The following WDR25 variants were observed in gnomAD, a reference collection of about 807,000 sequenced individuals.
The protein encoded by WDR25 is WD repeat-containing protein 25.
In WDR25, 35 loss-of-function variants were observed where a neutral mutation model predicts 47.7. The observed-to-expected ratio is 0.73, with a 90% CI of 0.56 to 0.97. The LOEUF is 0.97. Among genes scored for constraint, WDR25 ranks in the 50% least tolerant of loss-of-function variants. The pLI, the probability that WDR25 is intolerant of heterozygous loss-of-function variation, is 0.00. For missense variants in WDR25, 634 were observed against 704.7 expected (o/e 0.90, Z 1.14); for synonymous variants, 248 against 278.9 (o/e 0.89, Z 1.10).
chr14:100,514,926 C>T (rs773040226), intron 4 of WDR25, among the ~76,000 whole-genome samples: 16 of 151,704 alleles, frequency 1.1e-4, no homozygotes, highest in Non-Finnish European at 1.9e-4. Context: ...TTTATTTGCC[C>T]AAAAAAATCT....
At chr14:100,418,896 C>G (rs1415803951) in intron 2 of WDR25, among the ~76,000 whole-genome samples, 1 of 151,968 alleles carries the variant, frequency 6.6e-6, no homozygotes, top group East Asian at 1.9e-4. Context: ...CACCTGAGAC[C>G]CTGGCCTTGA....
Position 100,500,375 on chromosome 14 carries a change from G to A in WDR25, c.1101+16251G>A, listed in dbSNP as rs144034021. On this transcript the variant is annotated intron_variant, in intron 4 of 6. Transcript: ENST00000402312. This position sits in a 1 kb window ranked among gnomAD's most constrained non-coding sequence, Gnocchi z 4.7. ...CTTCTGCTCCTTCTTCCAGGGACCC[G>A]AGGAGGGTGAAGTGGCTCTGGCTGT... Among the ~76,000 whole-genome samples, 1,835 of 152,320 alleles carry A rather than the reference G, an allele frequency of 0.012. 35 individuals carry two copies. The highest frequency in any genetic ancestry group is 0.042 in the African/African-American group (1,729 of 41,568).
intron 4 of WDR25, among the ~76,000 whole-genome samples, chr14:100,519,355 T>G (rs73351051): frequency 0.029 from 4,350 of 152,084 alleles, 183 homozygotes; most frequent in African/African-American, 0.1. Context: ...TTTAGAATTT[T>G]TTTCTATCTG....
chr14:100,410,294 G>A (rs537446284), intron 2 of WDR25, among the ~76,000 whole-genome samples: 29 of 152,236 alleles, frequency 1.9e-4, no homozygotes, highest in African/African-American at 6.3e-4. Context: ...GGGTGTATGC[G>A]TCAAGGGCCT....
rs540421505 is a variant in WDR25 at position 100,483,425 on chromosome 14, C to T, written c.971-569C>T. ...CCCACACCACCCTGTCCAATCTGTGCTTGGGCCACCATGATGGCCACTCTC... is the reference window on the plus strand; with the variant it reads ...CCCACACCACCCTGTCCAATCTGTGTTTGGGCCACCATGATGGCCACTCTC... On this transcript the variant is annotated intron_variant, in intron 3 of 6. Coordinates refer to ENST00000402312, the MANE Select transcript of WDR25 (RefSeq NM_001161476.3). 1.3e-5 allele frequency among the ~76,000 whole-genome samples: 2 copies of T among 152,312 alleles called. 1 individual carries two copies. The highest frequency in any genetic ancestry group is 4.8e-5 in the African/African-American group (2 of 41,564).
At chr14:100,433,449 T>C (rs916914249) in intron 2 of WDR25, among the ~76,000 whole-genome samples, 1 of 152,264 alleles carries the variant, frequency 6.6e-6, no homozygotes, top group African/African-American at 2.4e-5. Context: ...TTGGCTAAGA[T>C]GCCAGGTTTC....
At chr14:100,429,797 C>T (rs911865712) in intron 2 of WDR25, among the ~76,000 whole-genome samples, 1 of 149,696 alleles carries the variant, frequency 6.7e-6, no homozygotes, top group Non-Finnish European at 1.5e-5. Context: ...TTGGTGTGTG[C>T]GTGCTGCTGG....
Position 100,500,070 on chromosome 14 carries a change from C to A in WDR25, c.1101+15946C>A, listed in dbSNP as rs896842124. ...CCAGAGGTTCCCTGGGACCTGGTTG[C>A]TGTCTTCCTAGAGGTGCCACAACCC... is the stretch of plus-strand genomic sequence containing the variant. On this transcript the variant is annotated intron_variant, in intron 4 of 6. Transcript: ENST00000402312. The surrounding 1 kb of genome is among the most constrained non-coding windows in gnomAD (Gnocchi z 4.7). 2.0e-5 allele frequency among the ~76,000 whole-genome samples: 3 copies of A among 152,090 alleles called. No homozygotes were observed. The highest frequency in any genetic ancestry group is 6.5e-5 in the Admixed American group (1 of 15,284).
At chr14:100,508,985 A>G (rs901329696) in intron 4 of WDR25, among the ~76,000 whole-genome samples, 2 of 152,086 alleles carry the variant, frequency 1.3e-5, no homozygotes, top group Non-Finnish European at 2.9e-5. Context: ...GTTGCTAATA[A>G]TTTGTTAAGG....
intron 2 of WDR25, chr14:100,382,039 A>T (rs1009551872): frequency 2.8e-6 from 2 of 702,550 alleles, no homozygotes; most frequent in Admixed American, 2.0e-5. Flanking sequence ...GAAGAAAAGC[A>T]GGCCCAGGAC....
intron 4 of WDR25, among the ~76,000 whole-genome samples, chr14:100,507,303 T>C (rs1901143016): frequency 6.6e-6 from 1 of 152,236 alleles, no homozygotes; most frequent in Admixed American, 6.5e-5. Context: ...TTGGTTACTG[T>C]AGCCTTATAG....
At chr14:100,518,116 T>G (rs1408910162) in intron 4 of WDR25, among the ~76,000 whole-genome samples, 1 of 152,252 alleles carries the variant, frequency 6.6e-6, no homozygotes, top group East Asian at 1.9e-4. Context: ...CTGGCATTAT[T>G]TCCTGTCAGC....
At chr14:100,413,197 C>T (rs748464178) in intron 2 of WDR25, among the ~76,000 whole-genome samples, 1 of 152,118 alleles carries the variant, frequency 6.6e-6, no homozygotes, top group Non-Finnish European at 1.5e-5. Context: ...TAAAATGCAG[C>T]CCTGTAAGTA....
At chr14:100,483,840 G>A (rs552315073) in intron 3 of WDR25, among the ~76,000 whole-genome samples, 154 bp from the exon 4 acceptor site, 37 of 152,304 alleles carry the variant, frequency 2.4e-4, no homozygotes, top group Non-Finnish European at 4.3e-4. Context: ...TGCTGCCACC[G>A]CTGTCATATT....
chr14:100,417,215 C>G (rs1160713021), intron 2 of WDR25, among the ~76,000 whole-genome samples: 2 of 152,246 alleles, frequency 1.3e-5, no homozygotes, highest in Admixed American at 6.5e-5. Context: ...TCCTCACCAT[C>G]TGTTACTTGT....
At chr14:100,416,368 A>T (rs1488231854) in intron 2 of WDR25, among the ~76,000 whole-genome samples, 1 of 152,066 alleles carries the variant, frequency 6.6e-6, no homozygotes. Context: ...TGATGTAAAA[A>T]CTTTGCTGTT....
chr14:100,484,428 A>G (rs1566932496), intron 4 of WDR25, among the ~76,000 whole-genome samples: 1 of 151,942 alleles, frequency 6.6e-6, no homozygotes, highest in Non-Finnish European at 1.5e-5. Context: ...CAAGGGAATA[A>G]TGTGCGGGTA....
At chr14:100,515,045 GCT>G (rs1245705859) in intron 4 of WDR25, among the ~76,000 whole-genome samples, 1 of 152,188 alleles carries the variant, frequency 6.6e-6, no homozygotes, top group Admixed American at 6.5e-5. Flanking sequence ...TCACTAGTTT[GCT>G]CTGTTTCCAA....
In WDR25 at chr14:100,424,447, G is replaced by A. The variant is rs1193525126; in HGVS notation, c.822+42701G>A. Reference sequence around the variant, plus strand: ...TTAGCAGGACAATCCTTTGCTACTGGGGACCCGCCACTGACCCCAGGGCTT... The same window carrying A: ...TTAGCAGGACAATCCTTTGCTACTGAGGACCCGCCACTGACCCCAGGGCTT... On this transcript the variant is annotated intron_variant, in intron 2 of 6. Transcript: ENST00000402312. The surrounding 1 kb of genome is among the most constrained non-coding windows in gnomAD (Gnocchi z 4.2). Among the ~76,000 whole-genome samples, 6 of 152,184 alleles carry A rather than the reference G, an allele frequency of 3.9e-5. No individual in the cohort carries two copies. The highest frequency in any genetic ancestry group is 2.1e-4 in the South Asian group (1 of 4,834).
Sources: allele counts gnomAD v4.1 joint callset (sites outside exome capture counted in the v4.1 genomes callset), GRCh38; gene constraint gnomAD v4.1.1; non-coding constraint Gnocchi (gnomAD v3.1); transcripts MANE v1.5; gene names NCBI Gene and HGNC (gene_info 2026-07-23, HGNC 2026-07-21).